MTAP: variants seen among roughly 807,000 people sequenced by gnomAD.
The protein encoded by MTAP is S-methyl-5'-thioadenosine phosphorylase.
Under a neutral mutation model 33.6 loss-of-function variants are expected in MTAP, and 33 were observed. That is an observed-to-expected ratio of 0.98 (90% CI 0.74 to 1.31). MTAP has a LOEUF of 1.31. Among genes scored for constraint, MTAP ranks in the 40% most tolerant of loss-of-function variants. MTAP has a pLI of 0.00. For missense variants in MTAP, 367 were observed against 360.0 expected, an observed-to-expected ratio of 1.02 and a Z score of -0.16; for synonymous variants, 148 against 125.7, an observed-to-expected ratio of 1.18 and a Z score of -1.19.
chr9:21,877,094 C>G (rs1728477268), intron 1 of MTAP, among the ~76,000 whole-genome samples: 1 of 151,974 alleles, frequency 6.6e-6, no homozygotes, highest in African/African-American at 2.4e-5. Context: ...TACCTGTATT[C>G]CTAGGTATTT....
chr9:21,880,598 C>T (rs571078546), intron 1 of MTAP, among the ~76,000 whole-genome samples: 1 of 152,132 alleles, frequency 6.6e-6, no homozygotes, highest in African/African-American at 2.4e-5. Context: ...ACTGTATTCT[C>T]ATACATTTCC....
downstream of MTAP, chr9:21,932,769 C>A (rs969564804): frequency 6.6e-6 from 1 of 152,162 alleles, no homozygotes; most frequent in Non-Finnish European, 1.5e-5. Flanking sequence ...GCCAACTCTA[C>A]ATGTATAAAA....
chr9:21,807,525 G>T (rs1824239027), intron 1 of MTAP, among the ~76,000 whole-genome samples: 1 of 152,162 alleles, frequency 6.6e-6, no homozygotes, highest in Non-Finnish European at 1.5e-5. Flanking sequence ...AGCATTGCAG[G>T]ACATGGAGTA....
At chr9:21,816,680 A>T in intron 2 of MTAP, 34 bp from the exon 3 acceptor site, 4 of 1,589,146 alleles carry the variant, frequency 2.5e-6, no homozygotes, top group Non-Finnish European at 3.4e-6. Flanking sequence ...TTTTTAAATC[A>T]CTGAGTTAAA....
At chr9:21,818,595 G>A (rs1163622923) in intron 4 of MTAP, among the ~76,000 whole-genome samples, 6 of 152,118 alleles carry the variant, frequency 3.9e-5, no homozygotes, top group Non-Finnish European at 8.8e-5. Flanking sequence ...AAAGTGCTGG[G>A]ATTACAGGCG....
intron 4 of MTAP, among the ~76,000 whole-genome samples, chr9:21,824,976 C>G (rs1010829923): frequency 2.0e-5 from 3 of 152,080 alleles, no homozygotes; most frequent in African/African-American, 7.2e-5. Context: ...TGGCAGTGAC[C>G]CGATTTTCCA....
At chr9:21,892,841 A>G (rs889682937) in intron 1 of MTAP, 26 of 152,354 alleles carry the variant, frequency 1.7e-4, no homozygotes, top group African/African-American at 6.3e-4. Context: ...TCATCTGCAC[A>G]TGGCATATAG....
Position 21,864,592 on chromosome 9 carries a change from G to A in MTAP, c.*2578G>A. 2.0e-6 allele frequency: 2 copies of A among 985,380 alleles called. No homozygotes were observed. The highest frequency in any genetic ancestry group is 9.4e-5 in the South Asian group (2 of 21,292). 61.0% of individuals were successfully genotyped at this position (985,380 alleles called of 1,614,324 possible). On this transcript the variant is annotated 3_prime_UTR_variant, in exon 8 of 8. Coordinates refer to ENST00000644715, the MANE Select transcript of MTAP (RefSeq NM_002451.4). The stretch of plus-strand genomic sequence containing the variant: ...GACATCCTGGCCCTGTGGTCCCCGA[G>A]GGTCATGGTCCTTGTGACCTGGCCC...
chr9:21,854,694 A>C lies in MTAP; in HGVS notation c.514A>C (p.Ile172Leu). Residue 172 changes from isoleucine to leucine, a missense_variant, in exon 6 of 8, where the codon ATC becomes CTC. Coordinates refer to ENST00000644715, the MANE Select transcript of MTAP (RefSeq NM_002451.4). Reference sequence around the variant, plus strand: ...CCACTCAAAGGGGACAATGGTCACAATCGAGGGACCTCGTTTTAGCTCCCG... The same window carrying C: ...CCACTCAAAGGGGACAATGGTCACACTCGAGGGACCTCGTTTTAGCTCCCG... ...RCHSKGTMVT[I>L]EGPRFSSRAE... The C allele has an allele frequency of 1.9e-6, 3 of 1,614,028 alleles. No individual in the cohort carries two copies. The African/African-American group carries it at 4.0e-5, about 22-fold the overall frequency.
chr9:21,816,433 TC>T (rs1392070452), intron 2 of MTAP, among the ~76,000 whole-genome samples: 1 of 152,170 alleles, frequency 6.6e-6, no homozygotes, highest in Admixed American at 6.5e-5. Flanking sequence ...ATTTGACCAG[TC>T]TACCATCAGA....
chr9:21,865,479 C>T lies in MTAP; in HGVS notation c.*3465C>T, dbSNP rs987261166. The T allele has an allele frequency of 2.0e-6, 2 of 985,504 alleles. No homozygotes were observed. The highest frequency in any genetic ancestry group is 1.1e-4 in the East Asian group (1 of 8,814). The allele number at this position is 985,504 out of a possible 1,614,324, so 61.0% of individuals were successfully genotyped here. ...TTTTGAAGATTGTTGCACCTTGGAA[C>T]TACCAGTGTGCACACAATCTGGCTC... On this transcript the variant is annotated 3_prime_UTR_variant, in exon 8 of 8. Coordinates refer to ENST00000644715, the MANE Select transcript of MTAP (RefSeq NM_002451.4).
At chr9:21,839,967 CTG>C (rs1825203017) in intron 5 of MTAP, among the ~76,000 whole-genome samples, 1 of 152,216 alleles carries the variant, frequency 6.6e-6, no homozygotes, top group Admixed American at 6.5e-5. Context: ...TGGCTCACGC[CTG>C]TAATCCCAGC....
downstream of MTAP, among the ~76,000 whole-genome samples, chr9:21,872,019 A>G (rs1012670919): frequency 1.3e-5 from 2 of 152,186 alleles, no homozygotes; most frequent in African/African-American, 2.4e-5. Context: ...ATTATGCTAA[A>G]AGGTATCTGC....
At chr9:21,854,200 A>G (rs4636295) in intron 5 of MTAP, among the ~76,000 whole-genome samples, 38,621 of 152,182 alleles carry the variant, frequency 0.25, 5,314 homozygotes, top group East Asian at 0.41. Flanking sequence ...AAGCCTGGAA[A>G]TAGAACTCAA....
At chr9:21,889,971 G>C (rs990148680) in intron 1 of MTAP, among the ~76,000 whole-genome samples, 5 of 152,092 alleles carry the variant, frequency 3.3e-5, no homozygotes, top group African/African-American at 7.2e-5. Flanking sequence ...TAACTATTCA[G>C]GTTTCTCAGG....
At chr9:21,939,739 T>C (rs973402862), downstream of MTAP, among the ~76,000 whole-genome samples, 4 of 150,780 alleles carry the variant, frequency 2.7e-5, no homozygotes, top group Non-Finnish European at 4.4e-5. Flanking sequence ...AAAAATTAAC[T>C]AGGTATGGTG....
At chr9:21,858,791 A>G (rs1825691361) in intron 6 of MTAP, 1 of 152,490 alleles carries the variant, frequency 6.6e-6, no homozygotes, top group Non-Finnish European at 1.5e-5. Flanking sequence ...GACTAAGACC[A>G]TCTTGATAAA....
At chr9:21,816,910 A>C (rs1824490107) in intron 3 of MTAP, 138 bp downstream of exon 3, 2 of 685,744 alleles carry the variant, frequency 2.9e-6, no homozygotes, top group South Asian at 2.4e-5. Flanking sequence ...CTTTATTTAC[A>C]ATGTTTTATT....
At chr9:21,907,250 A>C (rs1818491003) in intron 1 of MTAP, among the ~76,000 whole-genome samples, 1 of 152,228 alleles carries the variant, frequency 6.6e-6, no homozygotes, top group Non-Finnish European at 1.5e-5. Context: ...TAGTGATTAA[A>C]TAGTTTGTAT....
Sources: allele counts gnomAD v4.1 joint callset (sites outside exome capture counted in the v4.1 genomes callset), GRCh38; gene constraint gnomAD v4.1.1; transcripts MANE v1.5; gene names NCBI Gene and HGNC (gene_info 2026-07-23, HGNC 2026-07-21).